AGAP6: variants seen among roughly 807,000 people sequenced by gnomAD.
AGAP6 encodes the protein arf-GAP with GTPase, ANK repeat and PH domain-containing protein 6.
In AGAP6, 29 loss-of-function variants were observed where a neutral mutation model predicts 63.9. The observed-to-expected ratio is 0.45, with a 90% CI of 0.34 to 0.62. AGAP6 has a LOEUF of 0.62. Ranked by LOEUF, AGAP6 falls within the 20% of genes least tolerant of loss-of-function variation. The pLI, the probability that AGAP6 is intolerant of heterozygous loss-of-function variation, is 0.01. For missense variants in AGAP6, 493 were observed against 884.9 expected, an observed-to-expected ratio of 0.56 and a Z score of 5.62; for synonymous variants, 199 against 332.9, an observed-to-expected ratio of 0.60 and a Z score of 4.38.
chr10:50,002,106 A>G lies in AGAP6; in HGVS notation c.497+10A>G, dbSNP rs782017123. 1.9e-6 allele frequency: 3 copies of G among 1,602,648 alleles called. No individual in the cohort carries two copies. The highest frequency in any genetic ancestry group is 1.4e-5 in the African/African-American group (1 of 73,304). On this transcript the variant is annotated intron_variant, in intron 5 of 7. Transcript: ENST00000412531. ...CAATGACAATAATATCGTGAGTACA[A>G]CTATGCTGCCGAGGGACAGATTCCT... is the stretch of plus-strand genomic sequence containing the variant.
chr10:50,004,266 G>T (rs1841821137), intron 5 of AGAP6, among the ~76,000 whole-genome samples: 2 of 149,024 alleles, frequency 1.3e-5, no homozygotes. Context: ...TGAGGCATGA[G>T]AATCGCTTGA....
intron 4 of AGAP6, 25 bp downstream of exon 4, chr10:49,994,454 G>T (rs1554861620): frequency 6.6e-7 from 1 of 1,520,010 alleles, no homozygotes; most frequent in South Asian, 1.1e-5. Context: ...AAATACTTAA[G>T]AAATTGATAG....
intron 2 of AGAP6, 42 bp downstream of exon 2, chr10:49,989,418 T>G (rs1270540963): frequency 1.3e-5 from 21 of 1,597,046 alleles, no homozygotes; most frequent in East Asian, 2.2e-5. Context: ...TATCCTGTGG[T>G]ACTTTGTTTA....
At chr10:49,989,236 A>C in intron 1 of AGAP6, 72 bp from the exon 2 acceptor site, 1 of 1,587,810 alleles carries the variant, frequency 6.3e-7, no homozygotes, top group Non-Finnish European at 8.5e-7. Context: ...AATAAGCAGC[A>C]GTTGAATAAA....
rs782769382 is a variant in AGAP6, at chr10:49,989,299, T to A, written c.224-9T>A. On this transcript the variant is annotated splice_polypyrimidine_tract_variant and intron_variant, in intron 1 of 7. Transcript: ENST00000412531. ...ACATCCTTTTTCTTTTCTCCCTCTA[T>A]ACATATAGCTTTGGAGTTTAACCTT... 5 of 1,597,452 alleles carry A rather than the reference T, an allele frequency of 3.1e-6. No homozygotes were observed. The highest frequency in any genetic ancestry group is 4.2e-6 in the Non-Finnish European group (5 of 1,179,750).
chr10:49,996,404 C>G (rs1841489264), intron 4 of AGAP6, among the ~76,000 whole-genome samples: 1 of 152,016 alleles, frequency 6.6e-6, no homozygotes, highest in African/African-American at 2.4e-5. Flanking sequence ...AGTGTGAGGC[C>G]TTAGAAGCCT....
At position 50,009,312 on chromosome 10, in the gene AGAP6, A is replaced by G; in HGVS notation, c.1187A>G (p.His396Arg). 2.5e-6 allele frequency: 4 copies of G among 1,614,112 alleles called. No homozygotes were observed. The highest frequency in any genetic ancestry group is 2.5e-6 in the Non-Finnish European group (3 of 1,180,028). Reference sequence around the variant, plus strand: ...AAGCTCAACCCGCCCCCCTCTCCTCATGCTAATAAAAAGAAACACCTAAAG... The same window carrying G: ...AAGCTCAACCCGCCCCCCTCTCCTCGTGCTAATAAAAAGAAACACCTAAAG... ...SPKLNPPPSPHANKKKHLKKK... is the reference protein window; with the variant it reads ...SPKLNPPPSPRANKKKHLKKK... Residue 396 changes from histidine (H) to arginine (R), a missense_variant, in exon 8 of 8, where the codon CAT (histidine) becomes CGT (arginine). By Grantham distance (29) the His-to-Arg change is conservative. This residue lies in a region of AGAP6 where 342 missense variants were observed against 533.4 expected (regional missense o/e 0.64). Transcript: ENST00000412531.
Position 49,998,003 on chromosome 10 carries a change from T to C in AGAP6, c.396+3574T>C, listed in dbSNP as rs1841560644. Among the ~76,000 whole-genome samples, 2 of 137,782 alleles carry C rather than the reference T, an allele frequency of 1.5e-5. 1 individual carries two copies. The highest frequency in any genetic ancestry group is 4.6e-4 in the East Asian group (2 of 4,334). The allele number at this position is 137,782 out of a possible 152,430, so 90.4% of individuals were successfully genotyped here. ...AGGTGGAATTCCTCATATATATATA[T>C]ATATATATATATGTATGTATATCAC... On this transcript the variant is annotated intron_variant, in intron 4 of 7. Transcript: ENST00000412531.
intron 3 of AGAP6, among the ~76,000 whole-genome samples, chr10:49,993,668 C>A (rs1203012144): frequency 7.2e-5 from 11 of 151,846 alleles, no homozygotes; most frequent in African/African-American, 2.4e-4. Context: ...ATACAAAAAA[C>A]AATTAGCTAG....
intron 7 of AGAP6, among the ~76,000 whole-genome samples, chr10:50,008,307 T>TG (rs2132164269): frequency 6.7e-6 from 1 of 149,062 alleles, no homozygotes. Flanking sequence ...TCTTTTTTTT[T>TG]TTTTTTTTTT....
chr10:49,991,888 T>C (rs1841295035), intron 3 of AGAP6, 144 bp downstream of exon 3: 25 of 1,312,778 alleles, frequency 1.9e-5, no homozygotes, highest in Non-Finnish European at 2.5e-5. Context: ...ATATGTGATA[T>C]ACTTTCCTTT....
At position 50,008,075 on chromosome 10, in the gene AGAP6, C is replaced by T. The variant is rs782679180; in HGVS notation, c.584C>T (p.Ala195Val). ...SIPDEQLHSFAVSTVHIMKKR... is the reference protein window; with the variant it reads ...SIPDEQLHSFVVSTVHIMKKR... ...CCTGATGAACAGTTACACTCATTTG[C>T]GGTAAGTGGCACTTTTATTGAGGTT... The change falls in exon 7 of 8, where the codon GCG (alanine) becomes GTG (valine). Residue 195 changes from alanine (A) to valine (V), a missense_variant and splice_region_variant. Ala to Val is a moderately conservative substitution (Grantham distance 64). Around this residue, in one of 7 missense-constraint regions of AGAP6, gnomAD observed 342 missense variants for 533.4 expected, o/e 0.64. Transcript: ENST00000412531. The T allele has an allele frequency of 5.6e-6, 9 of 1,611,738 alleles. No homozygotes were observed. Among genetic ancestry groups the T allele is most frequent in the South Asian group, 4.4e-5 (4 of 90,986 alleles).
At chr10:49,990,401 C>T (rs1278654389) in intron 2 of AGAP6, among the ~76,000 whole-genome samples, 2 of 152,144 alleles carry the variant, frequency 1.3e-5, no homozygotes, top group Admixed American at 6.5e-5. Context: ...GCAGAGATCA[C>T]GCCAATGCAC....
chr10:49,990,320 C>T (rs576387867), intron 2 of AGAP6, among the ~76,000 whole-genome samples: 3 of 152,244 alleles, frequency 2.0e-5, no homozygotes, highest in South Asian at 2.1e-4. Context: ...TGGCGCATGA[C>T]TGTAGTTCCA....
chr10:49,993,985 A>C (rs71508024), intron 3 of AGAP6, among the ~76,000 whole-genome samples: 1 of 152,168 alleles, frequency 6.6e-6, no homozygotes, highest in East Asian at 1.9e-4. Context: ...CTGGTCAGGA[A>C]GTAGTTCTTA....
chr10:49,999,049 C>G (rs1234305239), intron 4 of AGAP6, among the ~76,000 whole-genome samples: 1 of 139,040 alleles, frequency 7.2e-6, no homozygotes, highest in African/African-American at 2.8e-5. Context: ...ACCAGCCTGG[C>G]CAACATGGTG....
chr10:49,990,020 T>C (rs1301282608), intron 2 of AGAP6, among the ~76,000 whole-genome samples: 1 of 152,270 alleles, frequency 6.6e-6, no homozygotes, highest in East Asian at 1.9e-4. Flanking sequence ...CAATGTAGAC[T>C]TTTAATGTGT....
chr10:49,997,513 G>C (rs1268164295), intron 4 of AGAP6, among the ~76,000 whole-genome samples: 4 of 151,738 alleles, frequency 2.6e-5, no homozygotes, highest in Non-Finnish European at 4.4e-5. Context: ...AAGGAAAAAA[G>C]TTACTAATTC....
In AGAP6 at chr10:49,989,511, G is replaced by T. The variant is rs1439434517; in HGVS notation, c.292+135G>T. 6 of 1,432,474 alleles carry T rather than the reference G, an allele frequency of 4.2e-6. No individual in the cohort carries two copies. In the Admixed American group the frequency reaches 6.7e-5, roughly 16 times the overall value. 88.7% of individuals were successfully genotyped at this position (1,432,474 alleles called of 1,614,324 possible). A position where few individuals can be genotyped will look rare whatever the true frequency, so the allele number is the denominator to read the frequency against. ...TCAGTACCCATCTTATTTTTTCTTT[G>T]TACCTATCCAGATGGTACCTAAGTG... On this transcript the variant is annotated intron_variant, in intron 2 of 7. Transcript: ENST00000412531.
Sources: allele counts gnomAD v4.1 joint callset (sites outside exome capture counted in the v4.1 genomes callset), GRCh38; gene constraint gnomAD v4.1.1; regional missense constraint gnomAD v4.1.1; transcripts MANE v1.5; gene names NCBI Gene and HGNC (gene_info 2026-07-23, HGNC 2026-07-21).